Variants in BICC1 observed in about 807,000 individuals in gnomAD.
BICC1 encodes protein bicaudal C homolog 1.
A neutral mutation model predicts 111.0 loss-of-function variants in BICC1; 43 were observed. The observed-to-expected ratio is 0.39, with a 90% CI of 0.30 to 0.50. The LOEUF is 0.50. Ranked by LOEUF, BICC1 falls within the 20% of genes least tolerant of loss-of-function variation. The pLI is 0.88. For missense variants in BICC1, 1,091 were observed against 1,203.2 expected (o/e 0.91, Z 1.38); for synonymous variants, 467 against 434.4 (o/e 1.07, Z -0.93).
chr10:58,534,198 A>C (rs1281234623), intron 1 of BICC1, among the ~76,000 whole-genome samples: 1 of 151,786 alleles, frequency 6.6e-6, no homozygotes, highest in Non-Finnish European at 1.5e-5. Context: ...CTTACCCAAG[A>C]TAGCAGATTG....
chr10:58,645,205 C>G (rs928669530), intron 2 of BICC1, among the ~76,000 whole-genome samples: 2 of 151,884 alleles, frequency 1.3e-5, no homozygotes, highest in Non-Finnish European at 2.9e-5. Flanking sequence ...GTCAGGAGAT[C>G]GAGACCATCC....
At chr10:58,738,380 C>A (rs1247344697) in intron 3 of BICC1, among the ~76,000 whole-genome samples, 1 of 151,782 alleles carries the variant, frequency 6.6e-6, no homozygotes, top group Non-Finnish European at 1.5e-5. Flanking sequence ...TCAGATTTGT[C>A]AAAGATCAGA....
At chr10:58,785,728 TTTGTTTG>T (rs1842992283) in intron 4 of BICC1, among the ~76,000 whole-genome samples, 1 of 152,226 alleles carries the variant, frequency 6.6e-6, no homozygotes, top group South Asian at 2.1e-4. Flanking sequence ...CACTTATTAA[TTTGTTTG>T]ATCCTCGTAA....
rs1332160230 is a variant in BICC1 at position 58,750,608 on chromosome 10, A to G, written c.308-34393A>G. 2.0e-5 allele frequency among the ~76,000 whole-genome samples: 3 copies of G among 152,126 alleles called. No individual in the cohort carries two copies. The East Asian group carries it at 5.8e-4, about 29-fold the overall frequency. The stretch of plus-strand genomic sequence containing the variant: ...GCTATCAGTTTGAAGATGCATCACC[A>G]CTTCATAGAAGTTGAAAGGTGCATC... On this transcript the variant is annotated intron_variant, in intron 3 of 20. Coordinates refer to ENST00000373886, the MANE Select transcript of BICC1 (RefSeq NM_001080512.3).
intron 3 of BICC1, among the ~76,000 whole-genome samples, chr10:58,749,526 A>G (rs1841927628): frequency 6.6e-6 from 1 of 152,214 alleles, no homozygotes. Context: ...TTTCTGTTAC[A>G]TATAATGTAT....
chr10:58,740,432 A>G (rs578085876), intron 3 of BICC1, among the ~76,000 whole-genome samples: 1 of 152,322 alleles, frequency 6.6e-6, no homozygotes, highest in South Asian at 2.1e-4. Flanking sequence ...AGGTATTTCA[A>G]AATGAGATCA....
At chr10:58,658,291 G>T (rs536893991) in intron 2 of BICC1, among the ~76,000 whole-genome samples, 1 of 152,042 alleles carries the variant, frequency 6.6e-6, no homozygotes, top group Non-Finnish European at 1.5e-5. Context: ...GAGTTTAAGC[G>T]ATTCTCCTGC....
At chr10:58,579,502 G>A (rs1844208425) in intron 1 of BICC1, among the ~76,000 whole-genome samples, 1 of 152,106 alleles carries the variant, frequency 6.6e-6, no homozygotes. Flanking sequence ...TCAGATCCCG[G>A]AGCCACGCCT....
intron 2 of BICC1, among the ~76,000 whole-genome samples, chr10:58,669,593 C>G (rs1839119669): frequency 6.6e-6 from 1 of 151,934 alleles, no homozygotes; most frequent in African/African-American, 2.4e-5. Flanking sequence ...AAACAATATT[C>G]CTAGGGAAAC....
At chr10:58,552,596 A>G (rs1158487084) in intron 1 of BICC1, among the ~76,000 whole-genome samples, 1 of 152,098 alleles carries the variant, frequency 6.6e-6, no homozygotes, top group African/African-American at 2.4e-5. Context: ...CGGCGTCCCA[A>G]AGTTCTGGGA....
At chr10:58,525,787 A>G (rs578257216) in intron 1 of BICC1, among the ~76,000 whole-genome samples, 16 of 151,952 alleles carry the variant, frequency 1.1e-4, no homozygotes, top group African/African-American at 3.9e-4. Flanking sequence ...CATCCTAACA[A>G]CCATTTTCAT....
At chr10:58,802,983 A>G in intron 14 of BICC1, 94 bp from the exon 15 acceptor site, 9 of 1,212,602 alleles carry the variant, frequency 7.4e-6, no homozygotes, top group Non-Finnish European at 8.9e-6. Flanking sequence ...ATAGCTGATG[A>G]TGATAAACAT....
At chr10:58,628,853 A>G (rs1469372075) in intron 2 of BICC1, among the ~76,000 whole-genome samples, 1 of 152,242 alleles carries the variant, frequency 6.6e-6, no homozygotes, top group African/African-American at 2.4e-5. Flanking sequence ...TGCTAGGTAC[A>G]TAACATAAAA....
Position 58,682,856 on chromosome 10 carries a change from C to A in BICC1, c.238-19218C>A, listed in dbSNP as rs149508980. Among the ~76,000 whole-genome samples, 634 of 152,270 alleles carry A rather than the reference C, an allele frequency of 4.2e-3. 2 individuals carry two copies. The highest frequency in any genetic ancestry group is 6.9e-3 in the Non-Finnish European group (470 of 68,016). On this transcript the variant is annotated intron_variant, in intron 2 of 20. Coordinates refer to ENST00000373886, the MANE Select transcript of BICC1 (RefSeq NM_001080512.3). ...TGCCTGTTCACTCTGATGGTAGTTT[C>A]TTTTGCTGTGTGCAGAAGATATTTA...
At chr10:58,760,353 C>T (rs1046707257) in intron 3 of BICC1, among the ~76,000 whole-genome samples, 8 of 152,110 alleles carry the variant, frequency 5.3e-5, no homozygotes, top group Non-Finnish European at 7.4e-5. Context: ...TGTTAAACCG[C>T]AGCATTCATA....
intron 2 of BICC1, among the ~76,000 whole-genome samples, chr10:58,626,332 A>C (rs952802884): frequency 7.9e-5 from 12 of 152,320 alleles, no homozygotes; most frequent in Admixed American, 7.8e-4. Context: ...CAGTGACAGA[A>C]TCCGTGATCA....
At chr10:58,688,033 G>C (rs921331450) in intron 2 of BICC1, among the ~76,000 whole-genome samples, 2 of 152,150 alleles carry the variant, frequency 1.3e-5, no homozygotes, top group Non-Finnish European at 2.9e-5. Context: ...GTAGTTGTTT[G>C]TTCCTCCCGG....
chr10:58,665,717 A>C (rs1838987850), intron 2 of BICC1, among the ~76,000 whole-genome samples: 1 of 152,072 alleles, frequency 6.6e-6, no homozygotes, highest in African/African-American at 2.4e-5. Flanking sequence ...TTTGATCTGA[A>C]ATTTATTTTC....
chr10:58,677,398 C>T (rs534680456), intron 2 of BICC1, among the ~76,000 whole-genome samples: 23 of 152,042 alleles, frequency 1.5e-4, no homozygotes, highest in African/African-American at 5.1e-4. Flanking sequence ...AAGAACTTCG[C>T]GAAGCATATA....
Sources: gnomAD v4.1 joint callset for allele counts (sites outside exome capture counted in the v4.1 genomes callset) on GRCh38, gnomAD v4.1.1 for gene constraint, MANE v1.5 for transcripts, NCBI Gene and HGNC (gene_info 2026-07-23, HGNC 2026-07-21) for gene names.